Variants in STK3 observed in about 807,000 individuals in gnomAD.
STK3 encodes serine/threonine kinase 3, also known as serine/threonine-protein kinase 3.
Under a neutral mutation model 58.0 loss-of-function variants are expected in STK3, and 41 were observed. The ratio of observed to expected loss-of-function variants is 0.71; its 90% CI spans 0.55 to 0.92. The LOEUF is 0.92. Ranked by LOEUF, STK3 falls within the 40% of genes least tolerant of loss-of-function variation. The pLI is 0.00. For missense variants in STK3, 479 were observed against 602.7 expected, an observed-to-expected ratio of 0.79 and a Z score of 2.15; for synonymous variants, 170 against 191.0, an observed-to-expected ratio of 0.89 and a Z score of 0.91.
intron 3 of STK3, among the ~76,000 whole-genome samples, chr8:98,433,516 T>C (rs1484563710): frequency 6.6e-6 from 1 of 152,162 alleles, no homozygotes; most frequent in East Asian, 1.9e-4. Context: ...GGGTTTTGCC[T>C]CCAGCTCTGT....
intron 3 of STK3, among the ~76,000 whole-genome samples, chr8:98,426,763 C>T (rs1340749161): frequency 1.3e-5 from 2 of 152,156 alleles, no homozygotes; most frequent in South Asian, 4.1e-4. Flanking sequence ...CTGCCTGCGC[C>T]CTGGGGGTGG....
chr8:98,542,765 G>A (rs942297446), intron 9 of STK3, among the ~76,000 whole-genome samples: 2 of 152,150 alleles, frequency 1.3e-5, no homozygotes, highest in Non-Finnish European at 1.5e-5. Context: ...TTAAAACACT[G>A]CTAGGCATGT....
At chr8:98,765,903 A>T (rs1050852222) in intron 3 of STK3, among the ~76,000 whole-genome samples, 14 of 152,372 alleles carry the variant, frequency 9.2e-5, no homozygotes, top group African/African-American at 3.4e-4. Flanking sequence ...CACATTGCAT[A>T]AGATGCTTCT....
intron 10 of STK3, among the ~76,000 whole-genome samples, chr8:98,504,254 C>G (rs1823866032): frequency 2.0e-5 from 3 of 152,112 alleles, no homozygotes; most frequent in African/African-American, 7.2e-5. Flanking sequence ...AGATCTTCCT[C>G]CATCCTTTTA....
intron 3 of STK3, among the ~76,000 whole-genome samples, chr8:98,854,862 G>A (rs1194394614): frequency 6.6e-6 from 1 of 152,056 alleles, no homozygotes; most frequent in Non-Finnish European, 1.5e-5. Context: ...TTTGAGACTA[G>A]CCTGGCAAAT....
intron 6 of STK3, among the ~76,000 whole-genome samples, chr8:98,646,138 G>A (rs1336139010): frequency 6.6e-6 from 1 of 152,218 alleles, no homozygotes; most frequent in African/African-American, 2.4e-5. Flanking sequence ...TTCTCTGACT[G>A]CTATGACTAA....
chr8:98,586,887 A>G (rs1026565487), intron 7 of STK3, among the ~76,000 whole-genome samples: 8 of 151,208 alleles, frequency 5.3e-5, no homozygotes, highest in African/African-American at 2.0e-4. Context: ...ATTTGCGTAG[A>G]GGTGTTTGTA....
intron 2 of STK3, among the ~76,000 whole-genome samples, chr8:98,773,517 G>T (rs568122685): frequency 6.6e-6 from 1 of 151,986 alleles, no homozygotes; most frequent in Non-Finnish European, 1.5e-5. Context: ...CTAACAATTT[G>T]GGAGGCCAAG....
intron 4 of STK3, among the ~76,000 whole-genome samples, chr8:98,743,430 T>G (rs918184751): frequency 1.3e-5 from 2 of 151,942 alleles, no homozygotes; most frequent in Non-Finnish European, 1.5e-5. Context: ...AAATAATGCT[T>G]CATATCTACA....
intron 6 of STK3, among the ~76,000 whole-genome samples, chr8:98,614,199 C>A (rs1486931603): frequency 1.3e-5 from 2 of 152,046 alleles, no homozygotes; most frequent in South Asian, 2.1e-4. Context: ...TTATAGAATA[C>A]CCCACCTCAA....
chr8:98,694,678 A>C (rs2130974828), intron 6 of STK3, among the ~76,000 whole-genome samples: 1 of 151,932 alleles, frequency 6.6e-6, no homozygotes, highest in African/African-American at 2.4e-5. Flanking sequence ...AAGAACATGA[A>C]CTCATCATTT....
chr8:98,695,135 T>G (rs549388765), intron 6 of STK3, among the ~76,000 whole-genome samples: 3 of 152,244 alleles, frequency 2.0e-5, no homozygotes, highest in African/African-American at 7.2e-5. Flanking sequence ...GTTCTTTGGT[T>G]GCATAAATGT....
intron 10 of STK3, among the ~76,000 whole-genome samples, chr8:98,481,025 T>C (rs1465717215): frequency 1.3e-5 from 2 of 152,186 alleles, no homozygotes; most frequent in Non-Finnish European, 2.9e-5. Flanking sequence ...TTATTCAAAA[T>C]ACCTTCCCCT....
chr8:98,747,118 T>A (rs1420099553), intron 4 of STK3, among the ~76,000 whole-genome samples: 4 of 141,510 alleles, frequency 2.8e-5, no homozygotes, highest in African/African-American at 1.0e-4. Context: ...GACATTATCA[T>A]CATACCCACC....
At chr8:98,504,135 A>G in intron 10 of STK3, among the ~76,000 whole-genome samples, 1 of 152,064 alleles carries the variant, frequency 6.6e-6, no homozygotes, top group Non-Finnish European at 1.5e-5. Flanking sequence ...TCCCTTTACC[A>G]TTATGTAATG....
At chr8:98,603,140 A>C (rs949151504) in intron 6 of STK3, 2 of 152,214 alleles carry the variant, frequency 1.3e-5, no homozygotes, top group African/African-American at 4.8e-5. Context: ...AGGACATATA[A>C]ATAACCAAAT....
chr8:98,884,131 TAAC>T (rs1259498830), intron 1 of STK3, among the ~76,000 whole-genome samples: 4 of 152,236 alleles, frequency 2.6e-5, no homozygotes, highest in South Asian at 2.1e-4. Context: ...TATTTTGCTG[TAAC>T]TTCTAGTTTT....
chr8:98,794,505 A>G (rs974665118), intron 1 of STK3, among the ~76,000 whole-genome samples: 1 of 152,188 alleles, frequency 6.6e-6, no homozygotes, highest in Non-Finnish European at 1.5e-5. Context: ...TCAGTATTGA[A>G]TTCTGAAATT....
chr8:98,875,651 G>C (rs1220835178), intron 3 of STK3: 2 of 152,150 alleles, frequency 1.3e-5, no homozygotes, highest in Admixed American at 1.3e-4. Flanking sequence ...TGTTGGAAGA[G>C]ACATGGAAAA....
Sources: gnomAD v4.1 joint callset for allele counts (sites outside exome capture counted in the v4.1 genomes callset) on GRCh38, gnomAD v4.1.1 for gene constraint, MANE v1.5 for transcripts, NCBI Gene and HGNC (gene_info 2026-07-23, HGNC 2026-07-21) for gene names.